The following LOC128125817 variants were observed in gnomAD, a reference collection of about 807,000 sequenced individuals.
the LOC128125817 span, among the ~76,000 whole-genome samples, chr1:41,610,931 C>T: frequency 9.2e-5 from 14 of 152,142 alleles, no homozygotes; most frequent in African/African-American, 3.4e-4. Flanking sequence ...GCTCCCTGAA[C>T]AAGACGATGT....
chr1:41,605,375 G>GCACACACACA, the LOC128125817 span, among the ~76,000 whole-genome samples: 1 of 126,624 alleles, frequency 7.9e-6, no homozygotes, highest in Non-Finnish European at 1.6e-5. Context: ...ACGCACACGC[G>GCACACACACA]CACACACACA....
At chr1:41,605,408 T>C in the LOC128125817 span, among the ~76,000 whole-genome samples, 128 of 134,486 alleles carry the variant, frequency 9.5e-4, no homozygotes, top group African/African-American at 3.2e-3. Flanking sequence ...CACACACACA[T>C]ACATATGTTA....
the LOC128125817 span, among the ~76,000 whole-genome samples, chr1:41,592,922 T>C: frequency 1.4e-4 from 21 of 152,208 alleles, no homozygotes; most frequent in Admixed American, 3.9e-4. Flanking sequence ...TCTGCCAGTC[T>C]AGGCCCTGGC....
chr1:41,628,128 AG>A, the LOC128125817 span, among the ~76,000 whole-genome samples: 1 of 152,170 alleles, frequency 6.6e-6, no homozygotes, highest in Admixed American at 6.5e-5. Flanking sequence ...GCCTCTCCCC[AG>A]GCTCATTTGA....
chr1:41,608,129 C>T, the LOC128125817 span, among the ~76,000 whole-genome samples: 4 of 152,152 alleles, frequency 2.6e-5, no homozygotes, highest in African/African-American at 7.2e-5. Flanking sequence ...TAGGGCTTCC[C>T]GTGAGGTGTC....
At chr1:41,615,358 G>A in the LOC128125817 span, among the ~76,000 whole-genome samples, 1 of 152,192 alleles carries the variant, frequency 6.6e-6, no homozygotes, top group South Asian at 2.1e-4. Context: ...GGGATGCACT[G>A]GGGCTGCCCC....
the LOC128125817 span, among the ~76,000 whole-genome samples, chr1:41,616,569 C>T: frequency 3.9e-5 from 5 of 127,736 alleles, no homozygotes; most frequent in African/African-American, 1.5e-4. Context: ...ATAGCAATTA[C>T]TTTTTTTTTT....
chr1:41,597,715 G>C, the LOC128125817 span, among the ~76,000 whole-genome samples: 20 of 152,184 alleles, frequency 1.3e-4, no homozygotes, highest in Admixed American at 2.0e-4. Flanking sequence ...TGACACTGCA[G>C]GTAACCAAAC....
At chr1:41,610,737 A>G in the LOC128125817 span, among the ~76,000 whole-genome samples, 1 of 152,170 alleles carries the variant, frequency 6.6e-6, no homozygotes, top group Non-Finnish European at 1.5e-5. Flanking sequence ...CTGAATTCCG[A>G]GCGCAATTTC....
At chr1:41,610,266 GCC>G in the LOC128125817 span, among the ~76,000 whole-genome samples, 10 of 152,096 alleles carry the variant, frequency 6.6e-5, no homozygotes, top group Admixed American at 2.0e-4. Flanking sequence ...GCTTTCTATG[GCC>G]CCCTTACACT....
chr1:41,610,132 T>C, the LOC128125817 span, among the ~76,000 whole-genome samples: 1 of 152,186 alleles, frequency 6.6e-6, no homozygotes, highest in Non-Finnish European at 1.5e-5. Flanking sequence ...CCTCCACAAC[T>C]GCATGAGCCA....
chr1:41,603,938 A>G, the LOC128125817 span, among the ~76,000 whole-genome samples: 2 of 152,236 alleles, frequency 1.3e-5, no homozygotes, highest in African/African-American at 4.8e-5. Flanking sequence ...AGCATATAAA[A>G]CAATGCTCAA....
At chr1:41,588,291 G>A in the LOC128125817 span, among the ~76,000 whole-genome samples, 1 of 152,200 alleles carries the variant, frequency 6.6e-6, no homozygotes, top group Non-Finnish European at 1.5e-5. Flanking sequence ...GCAAGGATCT[G>A]AGAGCAGCCC....
At chr1:41,622,195 C>G in the LOC128125817 span, among the ~76,000 whole-genome samples, 12 of 152,282 alleles carry the variant, frequency 7.9e-5, no homozygotes, top group Non-Finnish European at 1.8e-4. Context: ...TAGAGGGGAG[C>G]CCCTCTCATG....
chr1:41,593,332 A>T, the LOC128125817 span, among the ~76,000 whole-genome samples: 1 of 152,060 alleles, frequency 6.6e-6, no homozygotes, highest in Non-Finnish European at 1.5e-5. Flanking sequence ...TCTTTTTTTA[A>T]ATCTATGTAT....
chr1:41,595,406 C>T, the LOC128125817 span, among the ~76,000 whole-genome samples: 2 of 152,182 alleles, frequency 1.3e-5, no homozygotes, highest in African/African-American at 2.4e-5. Context: ...CTCTCTCCAT[C>T]CTGCTCTTAC....
chr1:41,624,941 G>GCA, the LOC128125817 span, among the ~76,000 whole-genome samples: 14 of 152,188 alleles, frequency 9.2e-5, no homozygotes, highest in African/African-American at 2.4e-4. Flanking sequence ...CGAGGTGGAT[G>GCA]GATCACAAGG....
the LOC128125817 span, among the ~76,000 whole-genome samples, chr1:41,616,232 G>C: frequency 1.3e-5 from 2 of 152,276 alleles, no homozygotes; most frequent in South Asian, 4.2e-4. Context: ...AGGAAACTTA[G>C]AGCACCCCAA....
the LOC128125817 span, among the ~76,000 whole-genome samples, chr1:41,625,779 AC>A: frequency 1.3e-5 from 2 of 152,238 alleles, no homozygotes; most frequent in African/African-American, 4.8e-5. Context: ...CTTAAATTAG[AC>A]TAAGTCTAAA....
Sources: allele counts gnomAD v4.1 joint callset (sites outside exome capture counted in the v4.1 genomes callset), GRCh38; gene constraint gnomAD v4.1.1; transcripts MANE v1.5.